Variants in OBSL1 observed in about 807,000 individuals in gnomAD.
OBSL1 encodes the protein obscurin-like protein 1.
In OBSL1, 160 loss-of-function variants were observed where a neutral mutation model predicts 172.0. The observed-to-expected ratio is 0.93, with a 90% CI of 0.82 to 1.06. OBSL1 has a LOEUF of 1.06. OBSL1 is among the 50% of genes least tolerant of loss of function. The probability of loss-of-function intolerance (pLI) is 0.00; values close to 1 mark genes in which losing one functional copy is unlikely to be tolerated. For missense variants in OBSL1, 2,681 were observed against 2,715.4 expected (o/e 0.99, Z 0.28); for synonymous variants, 1,200 against 1,196.3 (o/e 1.00, Z -0.06).
chr2:219,564,082 G>C (rs1696697241), intron 6 of OBSL1, among the ~76,000 whole-genome samples: 1 of 152,166 alleles, frequency 6.6e-6, no homozygotes, highest in Admixed American at 6.5e-5. Context: ...CCTGTCACTG[G>C]GTGCATTCAG....
In OBSL1 at chr2:219,567,805, C is replaced by T; in HGVS notation, c.1447G>A (p.Val483Ile). 6.2e-7 allele frequency: 1 copy of T among 1,613,948 alleles called. No homozygotes were observed. Among genetic ancestry groups the T allele is most frequent in the Non-Finnish European group, 8.5e-7 (1 of 1,179,880 alleles). ...TCCTCTCGGGTGACCCCTGGAAGGA[C>T]CAGGGCATGCATGTGGCCTGAGCTG... is the stretch of plus-strand genomic sequence containing the variant. ...QSSSGHMHAL[V>I]LPGVTREDAG... Residue 483 changes from valine (V) to isoleucine (I), a missense_variant, in exon 3 of 21, where the codon GTC becomes ATC. Val to Ile is a conservative substitution (Grantham distance 29). Around this residue, in one of 5 missense-constraint regions of OBSL1, gnomAD observed 706 missense variants for 695.8 expected, o/e 1.01. Coordinates refer to ENST00000404537, the MANE Select transcript of OBSL1 (RefSeq NM_015311.3).
chr2:219,552,146 C>A lies in OBSL1; in HGVS notation c.5379G>T (p.Gly1793=). 1.2e-6 allele frequency: 2 copies of A among 1,611,710 alleles called. No homozygotes were observed. The highest frequency in any genetic ancestry group is 1.7e-6 in the Non-Finnish European group (2 of 1,179,292). ...EDAGEVRFQA[G]PAQSLALLEV... Reference sequence around the variant, plus strand: ...CCAGTAGAGCCAGGGACTGGGCGGGCCCCGCCTGGAAGCGGACTTCACCGG... The same window carrying A: ...CCAGTAGAGCCAGGGACTGGGCGGGACCCGCCTGGAAGCGGACTTCACCGG... The change falls in exon 19 of 21, where the codon GGG becomes GGT. Residue 1793 remains glycine, a synonymous_variant. Coordinates refer to ENST00000404537, the MANE Select transcript of OBSL1 (RefSeq NM_015311.3).
intron 8 of OBSL1, among the ~76,000 whole-genome samples, chr2:219,559,896 AG>A (rs1388988836): frequency 1.3e-5 from 2 of 152,358 alleles, no homozygotes; most frequent in South Asian, 2.1e-4. Context: ...ATACAGCTAT[AG>A]CTATATTCAC....
rs999915992 is a variant in OBSL1 at position 219,552,941 on chromosome 2, G to A, written c.5073C>T (p.Gly1691=). ...AGCTGTAGGTCCCGGCGTCCGAGGGGCCGCAGCGTCGCAGCTGGAGAAGGC... is the reference window on the plus strand; with the variant it reads ...AGCTGTAGGTCCCGGCGTCCGAGGGACCGCAGCGTCGCAGCTGGAGAAGGC... ...TRRLLQLRRC[G]PSDAGTYSCA... is the part of the protein sequence containing the mutation. Residue 1691 remains glycine, a synonymous_variant, in exon 17 of 21, where the codon GGC becomes GGT. Transcript: ENST00000404537. 1.6e-5 allele frequency: 24 copies of A among 1,535,702 alleles called. No homozygotes were observed. The highest frequency in any genetic ancestry group is 2.0e-5 in the Non-Finnish European group (23 of 1,144,274).
At chr2:219,553,502 GCTGTTTCTGT>G (rs1203109339) in intron 16 of OBSL1, 62 bp downstream of exon 16, 70 of 1,068,472 alleles carry the variant, frequency 6.6e-5, no homozygotes, top group Non-Finnish European at 9.3e-5. Context: ...AGGAATATTA[GCTGTTTCTGT>G]CTGGGGCATT....
chr2:219,561,004 T>C (rs761848796), intron 8 of OBSL1, among the ~76,000 whole-genome samples: 1 of 152,138 alleles, frequency 6.6e-6, no homozygotes, highest in Non-Finnish European at 1.5e-5. Flanking sequence ...AGCCTGAGCA[T>C]GGGCTGGAGT....
At chr2:219,549,191 G>A (rs754156624), downstream of OBSL1, 10 of 1,613,870 alleles carry the variant, frequency 6.2e-6, no homozygotes, top group Middle Eastern at 1.6e-4. Flanking sequence ...CAACTGATGC[G>A]GATTCGGCAG....
At position 219,551,542 on chromosome 2, in the gene OBSL1, C is replaced by T. The variant is rs773864705; in HGVS notation, c.5670G>A (p.Arg1890=). 2.0e-5 allele frequency: 32 copies of T among 1,593,574 alleles called. 1 individual carries two copies. In the South Asian group the frequency reaches 3.2e-4, roughly 16 times the overall value. The change falls in exon 20 of 21, where the codon CGG becomes CGA. Residue 1890 remains arginine (R), a synonymous_variant. Transcript: ENST00000404537. Reference sequence around the variant, plus strand: ...GGCTTTACTCACCCTCTACCAGCAGCCGTGTGTGGGTGCTGTCCTGGCCGG... The same window carrying T: ...GGCTTTACTCACCCTCTACCAGCAGTCGTGTGTGGGTGCTGTCCTGGCCGG... ...CQAGQDSTHT[R]LLVEGN
chr2:219,557,801 T>C, intron 11 of OBSL1, 22 bp downstream of exon 11: 1 of 1,580,204 alleles, frequency 6.3e-7, no homozygotes, highest in Non-Finnish European at 8.5e-7. Context: ...ACTCTCAGGC[T>C]TAATGCCCAG....
rs1221149375 is a variant in OBSL1 at position 219,556,677 on chromosome 2, G to A, written c.4113C>T (p.Val1371=). Residue 1371 remains valine, a synonymous_variant, in exon 13 of 21, where the codon GTC becomes GTT. Coordinates refer to ENST00000404537, the MANE Select transcript of OBSL1 (RefSeq NM_015311.3). ...GGAACGTGGCATCATCGCCCTCGTG[G>A]ACAGTGAGTGGTGTCAGCTCCGAGA... ...KLVSELTPLT[V]HEGDDATFRC... The A allele has an allele frequency of 6.2e-7, 1 of 1,610,970 alleles. No individual in the cohort carries two copies. The highest frequency in any genetic ancestry group is 8.5e-7 in the Non-Finnish European group (1 of 1,177,354).
chr2:219,553,903 A>G (rs1426149220), intron 15 of OBSL1, among the ~76,000 whole-genome samples: 1 of 151,830 alleles, frequency 6.6e-6, no homozygotes, highest in Non-Finnish European at 1.5e-5. Flanking sequence ...GGAGTGGCCA[A>G]CTGGGAGTCA....
downstream of OBSL1, chr2:219,549,245 G>A (rs147500070): frequency 1.5e-5 from 25 of 1,613,956 alleles, no homozygotes; most frequent in African/African-American, 2.0e-4. Flanking sequence ...AGACCTCCTC[G>A]GGCTCCCCTC....
At chr2:219,553,171 G>A (rs1205388826) in intron 16 of OBSL1, 147 bp from the exon 17 acceptor site, 3 of 1,188,232 alleles carry the variant, frequency 2.5e-6, no homozygotes, top group Non-Finnish European at 3.4e-6. Flanking sequence ...GGGTCGGACT[G>A]TCCCCAAGCC....
At chr2:219,547,459 C>G (rs762894543), downstream of OBSL1, 2 of 1,383,698 alleles carry the variant, frequency 1.4e-6, no homozygotes, top group South Asian at 2.1e-5. Context: ...CTCCCTCCAG[C>G]CTGGTGCCCT....
chr2:219,557,794 C>T (rs1342700563), intron 11 of OBSL1, 29 bp downstream of exon 11: 1 of 1,576,230 alleles, frequency 6.3e-7, no homozygotes, highest in Admixed American at 1.9e-5. Context: ...TGGTGCCACT[C>T]TCAGGCTTAA....
chr2:219,551,278 G>A (rs1695592294), intron 20 of OBSL1: 2 of 1,403,844 alleles, frequency 1.4e-6, no homozygotes, highest in East Asian at 2.6e-5. Flanking sequence ...GCAGGAGAGA[G>A]GAGAAGCCTG....
intron 16 of OBSL1, among the ~76,000 whole-genome samples, chr2:219,553,335 T>G (rs1695771874): frequency 6.6e-6 from 1 of 152,232 alleles, no homozygotes; most frequent in South Asian, 2.1e-4. Context: ...GAATATGGGC[T>G]CTACCTGTTG....
At chr2:219,547,601 A>G (rs779543093), downstream of OBSL1, 1 of 1,478,996 alleles carries the variant, frequency 6.8e-7, no homozygotes, top group Non-Finnish European at 9.0e-7. Flanking sequence ...GGTGCTAGAG[A>G]CACAGCTGAG....
rs1696806901 is a variant in OBSL1, at chr2:219,565,377, C to T, written c.2272G>A (p.Glu758Lys). ...TWYKDGQKVE[E>K]SELLVVKMDG... ...ATCTTCACCACCAGCAACTCGCTCT[C>T]CTCCACCTTCTGCCCATCCTTGTAC... Residue 758 changes from glutamate (E) to lysine (K), a missense_variant, in exon 6 of 21, where the codon GAG becomes AAG. Glu to Lys is a moderately conservative substitution (Grantham distance 56). Coordinates refer to ENST00000404537, the MANE Select transcript of OBSL1 (RefSeq NM_015311.3). The T allele has an allele frequency of 6.2e-7, 1 of 1,614,072 alleles. No homozygotes were observed. Among genetic ancestry groups the T allele is most frequent in the East Asian group, 2.2e-5 (1 of 44,884 alleles).
Sources: allele counts gnomAD v4.1 joint callset (sites outside exome capture counted in the v4.1 genomes callset), GRCh38; gene constraint gnomAD v4.1.1; regional missense constraint gnomAD v4.1.1; transcripts MANE v1.5; gene names NCBI Gene and HGNC (gene_info 2026-07-23, HGNC 2026-07-21).